Variants in DYNC2H1 observed in about 807,000 individuals in gnomAD.
The protein encoded by DYNC2H1 is dynein cytoplasmic 2 heavy chain 1.
Under a neutral mutation model 570.0 loss-of-function variants are expected in DYNC2H1, and 410 were observed. That is an observed-to-expected ratio of 0.72 (90% CI 0.66 to 0.78). The LOEUF (loss-of-function observed/expected upper bound fraction) is 0.78, where lower values mean the gene tolerates loss of function less well. Among genes scored for constraint, DYNC2H1 ranks in the 30% least tolerant of loss-of-function variants. The pLI is 0.00. For synonymous variants in DYNC2H1, 1,688 were observed against 1,677.6 expected, an observed-to-expected ratio of 1.01 and a Z score of -0.15; for missense variants, 4,865 against 5,046.4, an observed-to-expected ratio of 0.96 and a Z score of 1.09.
At chr11:103,144,486 A>G (rs1860133601) in intron 18 of DYNC2H1, among the ~76,000 whole-genome samples, 4 of 152,208 alleles carry the variant, frequency 2.6e-5, no homozygotes, top group Admixed American at 1.3e-4. Context: ...TTAGGATAGT[A>G]ACACTGGAAC....
At chr11:103,226,901 C>G (rs567517140) in intron 59 of DYNC2H1, among the ~76,000 whole-genome samples, 1 of 152,232 alleles carries the variant, frequency 6.6e-6, no homozygotes, top group East Asian at 1.9e-4. Context: ...TCTATATCTT[C>G]CTGGTTTAAT....
chr11:103,176,151 G>T lies in DYNC2H1; in HGVS notation c.5675-84G>T, dbSNP rs574308759. On this transcript the variant is annotated intron_variant, in intron 36 of 88. Transcript: ENST00000375735. ...TCTAGTGCATTTAATGATTAATAAT[G>T]CATATCAAGGCTATAGAATATTTAA... 388 of 967,346 alleles carry T rather than the reference G, an allele frequency of 4.0e-4. 2 individuals carry two copies. The highest frequency in any genetic ancestry group is 5.4e-4 in the Non-Finnish European group (374 of 694,012). 59.9% of individuals were successfully genotyped at this position (967,346 alleles called of 1,614,324 possible). A position where few individuals can be genotyped will look rare whatever the true frequency, so the allele number is the denominator to read the frequency against.
Position 103,220,748 on chromosome 11 carries a change from G to C in DYNC2H1, c.9072G>C (p.Met3024Ile). The C allele has an allele frequency of 6.2e-7, 1 of 1,612,612 alleles. No individual in the cohort carries two copies. The highest frequency in any genetic ancestry group is 8.5e-7 in the Non-Finnish European group (1 of 1,179,136). The change falls in exon 57 of 89, where the codon ATG becomes ATC. Residue 3024 changes from methionine to isoleucine, a missense_variant. Transcript: ENST00000375735. The stretch of plus-strand genomic sequence containing the variant: ...TTCTTGAAGGAGTTTTAAGGTTGAT[G>C]GGTATCTTTGATACATCTTGGGTGA... ...RDILEGVLRL[M>I]GIFDTSWVSM...
chr11:103,154,921 G>T (rs185459568), intron 24 of DYNC2H1, 112 bp downstream of exon 24: 2 of 786,400 alleles, frequency 2.5e-6, no homozygotes, highest in Non-Finnish European at 3.7e-6. Flanking sequence ...AAATTATTCC[G>T]TTTGATGAAG....
chr11:103,215,816 T>C lies in DYNC2H1; in HGVS notation c.8790T>C (p.Asp2930=), dbSNP rs1293680959. 2 of 1,612,624 alleles carry C rather than the reference T, an allele frequency of 1.2e-6. No homozygotes were observed. The highest frequency in any genetic ancestry group is 1.7e-6 in the Non-Finnish European group (2 of 1,179,198). ...GTGTGTTACTTAAAACGAAGCAAGA[T>C]GAAGCAGATGCTGCCCTTCAAATGA... ...EQSVLLKTKQ[D]EADAALQMIT... The change falls in exon 55 of 89, where the codon GAT becomes GAC. Residue 2930 remains aspartate, a synonymous_variant. Coordinates refer to ENST00000375735, the MANE Select transcript of DYNC2H1 (RefSeq NM_001377.3).
rs1228610786 is a variant in DYNC2H1, at chr11:103,157,523, C to T, written c.4127+753C>T. Among the ~76,000 whole-genome samples, 2 of 152,212 alleles carry T rather than the reference C, an allele frequency of 1.3e-5. No individual in the cohort carries two copies. Among genetic ancestry groups the T allele is most frequent in the East Asian group, 1.9e-4 (1 of 5,200 alleles). ...GACATGATGGATAACTTTGATATCT[C>T]CCTCTTCCTCCACTTTTACATACAT... On this transcript the variant is annotated intron_variant, in intron 26 of 88. Transcript: ENST00000375735. This position sits in a 1 kb window ranked among gnomAD's most constrained non-coding sequence, Gnocchi z 4.2.
At chr11:103,391,766 A>G (rs1942161711) in intron 83 of DYNC2H1, among the ~76,000 whole-genome samples, 1 of 152,226 alleles carries the variant, frequency 6.6e-6, no homozygotes, top group Non-Finnish European at 1.5e-5. Flanking sequence ...GGTCCGCTCC[A>G]GACCCTGTTT....
chr11:103,178,872 T>G (rs1861734314), intron 38 of DYNC2H1, among the ~76,000 whole-genome samples, 154 bp from the exon 39 acceptor site: 2 of 152,190 alleles, frequency 1.3e-5, no homozygotes, highest in South Asian at 4.1e-4. Context: ...TATATCTGAG[T>G]CTTTGGCCAG....
At chr11:103,182,007 T>C in intron 40 of DYNC2H1, 121 bp downstream of exon 40, 3 of 997,512 alleles carry the variant, frequency 3.0e-6, no homozygotes, top group South Asian at 3.6e-5. Flanking sequence ...GAGAGGTGGA[T>C]TTTGTCACTG....
Position 103,479,191 on chromosome 11 carries a change from TGTGG to T in DYNC2H1, c.12864_12867del (p.Cys4288TrpfsTer16). ...TGTGGTTACCAATATTGATGTTCCA[TGTGG>T]GGGCAACCAAGACCAGTGGATTCAG... On this transcript the variant is annotated frameshift_variant, in exon 89 of 89. Coordinates refer to ENST00000375735, the MANE Select transcript of DYNC2H1 (RefSeq NM_001377.3). LOFTEE classifies it high-confidence loss of function. The T allele has an allele frequency of 6.2e-7, 1 of 1,613,914 alleles. No individual in the cohort carries two copies. Among genetic ancestry groups the T allele is most frequent in the Non-Finnish European group, 8.5e-7 (1 of 1,179,842 alleles).
intron 70 of DYNC2H1, among the ~76,000 whole-genome samples, chr11:103,267,182 G>C (rs968615515): frequency 2.0e-5 from 3 of 151,988 alleles, no homozygotes; most frequent in African/African-American, 7.3e-5. Context: ...GAGCCACTGA[G>C]GGCCAGGAAC....
rs1862827939 is a variant in DYNC2H1, at chr11:103,204,046, G to C, written c.8311+270G>C. On this transcript the variant is annotated intron_variant, in intron 51 of 88. Coordinates refer to ENST00000375735, the MANE Select transcript of DYNC2H1 (RefSeq NM_001377.3). This position sits in a 1 kb window ranked among gnomAD's most constrained non-coding sequence, Gnocchi z 4.1. ...TGGACTCACAGTTCCCACATGGCTG[G>C]GGAGGCCTCACAATCATGGTGGAAG... Among the ~76,000 whole-genome samples, 1 of 152,066 alleles carries C rather than the reference G, an allele frequency of 6.6e-6. No homozygotes were observed. Among genetic ancestry groups the C allele is most frequent in the Non-Finnish European group, 1.5e-5 (1 of 68,028 alleles).
Position 103,249,256 on chromosome 11 carries a change from T to C in DYNC2H1, c.10042+3882T>C, listed in dbSNP as rs1864740019. Among the ~76,000 whole-genome samples, 1 of 152,046 alleles carries C rather than the reference T, an allele frequency of 6.6e-6. No individual in the cohort carries two copies. Among genetic ancestry groups the C allele is most frequent in the Non-Finnish European group, 1.5e-5 (1 of 67,956 alleles). On this transcript the variant is annotated intron_variant, in intron 65 of 88. Coordinates refer to ENST00000375735, the MANE Select transcript of DYNC2H1 (RefSeq NM_001377.3). This position sits in a 1 kb window ranked among gnomAD's most constrained non-coding sequence, Gnocchi z 4.6. Reference sequence around the variant, plus strand: ...AAAAATGTTTTATCAAAGTAGTACATGCATGGGTTGTAAAGTCAAATGATA... The same window carrying C: ...AAAAATGTTTTATCAAAGTAGTACACGCATGGGTTGTAAAGTCAAATGATA...
chr11:103,150,912 G>A, intron 20 of DYNC2H1, among the ~76,000 whole-genome samples: 1 of 152,136 alleles, frequency 6.6e-6, no homozygotes, highest in Non-Finnish European at 1.5e-5. Flanking sequence ...GATAATAAAA[G>A]AACTAGGCAG....
At chr11:103,147,938 A>G in intron 19 of DYNC2H1, 51 bp downstream of exon 19, 1 of 1,225,860 alleles carries the variant, frequency 8.2e-7, no homozygotes, top group South Asian at 1.4e-5. Context: ...ATGTAGAAGC[A>G]TGTACTTTGA....
chr11:103,164,450 G>A (rs1861217479), intron 30 of DYNC2H1, among the ~76,000 whole-genome samples: 1 of 152,142 alleles, frequency 6.6e-6, no homozygotes, highest in Admixed American at 6.5e-5. Context: ...GAATTGAGTA[G>A]CATAATTGGC....
chr11:103,324,402 C>T lies in DYNC2H1; in HGVS notation c.12039+412C>T, dbSNP rs1483702714. Among the ~76,000 whole-genome samples, 1 of 152,066 alleles carries T rather than the reference C, an allele frequency of 6.6e-6. No homozygotes were observed. Among genetic ancestry groups the T allele is most frequent in the Non-Finnish European group, 1.5e-5 (1 of 67,996 alleles). ...ATGTATACTCAGTGTTTAGATCTCA[C>T]CTATAAGTGAGAACGTGGTATTTGG... On this transcript the variant is annotated intron_variant, in intron 82 of 88. Transcript: ENST00000375735. This position sits in a 1 kb window ranked among gnomAD's most constrained non-coding sequence, Gnocchi z 5.2.
chr11:103,315,476 A>G (rs968679523), intron 79 of DYNC2H1, among the ~76,000 whole-genome samples: 2 of 152,070 alleles, frequency 1.3e-5, no homozygotes, highest in Non-Finnish European at 2.9e-5. Flanking sequence ...TCCATCATCA[A>G]TTTGAATGAG....
rs1308462285 is a variant in DYNC2H1, at chr11:103,479,652, A to C, written c.*399A>C. The C allele has an allele frequency of 6.5e-6, 1 of 154,470 alleles. No individual in the cohort carries two copies. Among genetic ancestry groups the C allele is most frequent in the African/African-American group, 2.4e-5 (1 of 41,480 alleles). The allele number at this position is 154,470 out of a possible 1,614,324, so 9.6% of individuals were successfully genotyped here. A position where few individuals can be genotyped will look rare whatever the true frequency, so the allele number is the denominator to read the frequency against. On this transcript the variant is annotated 3_prime_UTR_variant, in exon 89 of 89. Transcript: ENST00000375735. ...GCAGTCTTCCCATGACTCTTTTTACATACTGAAGAATGTATTATAAAGTTA... is the reference window on the plus strand; with the variant it reads ...GCAGTCTTCCCATGACTCTTTTTACCTACTGAAGAATGTATTATAAAGTTA...
Sources: gnomAD v4.1 joint callset for allele counts (sites outside exome capture counted in the v4.1 genomes callset) on GRCh38, gnomAD v4.1.1 for gene constraint, Gnocchi (gnomAD v3.1) non-coding constraint, MANE v1.5 for transcripts, NCBI Gene and HGNC (gene_info 2026-07-23, HGNC 2026-07-21) for gene names.